JPH1: variants seen among roughly 807,000 people sequenced by gnomAD.
JPH1 encodes the protein junctophilin-1.
In JPH1, 12 loss-of-function variants were observed where a neutral mutation model predicts 53.6. That is an observed-to-expected ratio of 0.22 (90% CI 0.14 to 0.36). JPH1 has a LOEUF of 0.36. Ranked by LOEUF, JPH1 falls within the 10% of genes least tolerant of loss-of-function variation. JPH1 has a pLI of 1.00. For synonymous variants in JPH1, 375 were observed against 363.8 expected (o/e 1.03, Z -0.35); for missense variants, 808 against 905.5 (o/e 0.89, Z 1.38).
intron 2 of JPH1, among the ~76,000 whole-genome samples, chr8:74,310,664 G>A (rs779582418): frequency 1.2e-4 from 18 of 152,180 alleles, no homozygotes; most frequent in Non-Finnish European, 2.5e-4. Flanking sequence ...GAGAAGCAAA[G>A]CAAAGGTCCA....
intron 2 of JPH1, among the ~76,000 whole-genome samples, chr8:74,287,630 C>T (rs1807205521): frequency 6.6e-6 from 1 of 150,976 alleles, no homozygotes; most frequent in African/African-American, 2.4e-5. Flanking sequence ...CACTAAATTG[C>T]ATTAGTTTGC....
chr8:74,239,301 T>C (rs750573197), intron 4 of JPH1, among the ~76,000 whole-genome samples: 3 of 152,180 alleles, frequency 2.0e-5, no homozygotes, highest in Admixed American at 6.5e-5. Context: ...GGAACTCGAA[T>C]TAAGCTTTAG....
At chr8:74,267,620 C>A (rs1806571521) in intron 2 of JPH1, among the ~76,000 whole-genome samples, 1 of 152,130 alleles carries the variant, frequency 6.6e-6, no homozygotes, top group Non-Finnish European at 1.5e-5. Flanking sequence ...AGAAGCCGGA[C>A]TGAAGGGAGT....
chr8:74,282,661 T>C (rs1807046268), intron 2 of JPH1, among the ~76,000 whole-genome samples: 2 of 152,010 alleles, frequency 1.3e-5, no homozygotes, highest in South Asian at 4.2e-4. Context: ...TGAGGAAAGT[T>C]AGGAGGGAGA....
chr8:74,244,884 T>A lies in JPH1; in HGVS notation c.1550A>T (p.Lys517Met), dbSNP rs755306620. Residue 517 changes from lysine (K) to methionine (M), a missense_variant, in exon 4 of 6, where the codon AAG becomes ATG. Lys to Met is a moderately conservative substitution (Grantham distance 95). Coordinates refer to ENST00000342232, the MANE Select transcript of JPH1 (RefSeq NM_020647.4). ...TAIVNKPLMS[K>M]APTKEAGAVV... Reference sequence around the variant, plus strand: ...CGCTCCTGCCTCCTTCGTGGGAGCCTTTGACATCAAGGGCTTATTGACAAT... The same window carrying A: ...CGCTCCTGCCTCCTTCGTGGGAGCCATTGACATCAAGGGCTTATTGACAAT... 1 of 1,614,048 alleles carries A rather than the reference T, an allele frequency of 6.2e-7. No homozygotes were observed. Among genetic ancestry groups the A allele is most frequent in the Non-Finnish European group, 8.5e-7 (1 of 1,180,028 alleles).
intron 3 of JPH1, among the ~76,000 whole-genome samples, chr8:74,254,170 C>T (rs1806149706): frequency 6.6e-6 from 1 of 152,080 alleles, no homozygotes; most frequent in Non-Finnish European, 1.5e-5. Flanking sequence ...CCGAATCCAG[C>T]AACACATCAA....
At chr8:74,270,006 CCTT>C (rs1806651791) in intron 2 of JPH1, among the ~76,000 whole-genome samples, 4 of 152,186 alleles carry the variant, frequency 2.6e-5, no homozygotes, top group Admixed American at 2.6e-4. Flanking sequence ...TCACTGCTCT[CCTT>C]ACTTCTCTAT....
chr8:74,279,228 A>G (rs1563408776), intron 2 of JPH1, among the ~76,000 whole-genome samples: 1 of 152,216 alleles, frequency 6.6e-6, no homozygotes, highest in Admixed American at 6.5e-5. Context: ...ACTTAGCTCA[A>G]CTTTGTTCAA....
intron 2 of JPH1, among the ~76,000 whole-genome samples, chr8:74,270,323 T>C (rs1311103008): frequency 1.3e-5 from 2 of 152,246 alleles, no homozygotes; most frequent in South Asian, 2.1e-4. Context: ...CAGAACATCA[T>C]CTAGTTCTTC....
intron 1 of JPH1, among the ~76,000 whole-genome samples, chr8:74,319,326 AT>A (rs1178329850): frequency 6.6e-6 from 1 of 152,154 alleles, no homozygotes; most frequent in Non-Finnish European, 1.5e-5. Flanking sequence ...AAAACAATAA[AT>A]TTTGCCTTCT....
intron 2 of JPH1, among the ~76,000 whole-genome samples, chr8:74,307,331 C>G (rs1220725176): frequency 6.6e-6 from 1 of 152,184 alleles, no homozygotes; most frequent in Non-Finnish European, 1.5e-5. Context: ...CTCTCCCATT[C>G]AATTCTCAAA....
At chr8:74,272,240 C>G (rs1404574795) in intron 2 of JPH1, among the ~76,000 whole-genome samples, 1 of 151,942 alleles carries the variant, frequency 6.6e-6, no homozygotes, top group Non-Finnish European at 1.5e-5. Context: ...CCTCAACATA[C>G]TTAATGATCT....
chr8:74,298,644 C>T (rs867638381), intron 2 of JPH1, among the ~76,000 whole-genome samples: 11 of 152,252 alleles, frequency 7.2e-5, no homozygotes, highest in Admixed American at 1.3e-4. Flanking sequence ...GGCACTGCAA[C>T]GCAAAATCCA....
In JPH1 at chr8:74,284,903, C is replaced by A. The variant is rs554452465; in HGVS notation, c.1140-25400G>T. On this transcript the variant is annotated intron_variant, in intron 2 of 5. Coordinates refer to ENST00000342232, the MANE Select transcript of JPH1 (RefSeq NM_020647.4). ...GCAGTGGCGCAATCTCGGCTCACTG[C>A]AACCTCTGCCTCACGGGTTCAAGTG... Among the ~76,000 whole-genome samples the A allele has an allele frequency of 4.6e-5, 7 of 151,764 alleles. No individual in the cohort carries two copies. In the South Asian group the frequency reaches 8.3e-4, roughly 18 times the overall value.
At chr8:74,257,142 G>C (rs1373974671) in intron 3 of JPH1, among the ~76,000 whole-genome samples, 1 of 152,176 alleles carries the variant, frequency 6.6e-6, no homozygotes, top group Non-Finnish European at 1.5e-5. Context: ...AGAAAGTGCT[G>C]GCTGTGTGTC....
chr8:74,316,721 T>C (rs1249407026), intron 1 of JPH1, among the ~76,000 whole-genome samples: 2 of 152,250 alleles, frequency 1.3e-5, no homozygotes, highest in African/African-American at 2.4e-5. Flanking sequence ...TGATAGTCTG[T>C]CATCTAGAGC....
chr8:74,283,619 A>G (rs1181306225), intron 2 of JPH1, among the ~76,000 whole-genome samples: 1 of 152,226 alleles, frequency 6.6e-6, no homozygotes, highest in Non-Finnish European at 1.5e-5. Flanking sequence ...TTGGCTCCAC[A>G]CACTCATTTT....
intron 2 of JPH1, among the ~76,000 whole-genome samples, chr8:74,274,795 G>C (rs1806801491): frequency 2.0e-5 from 3 of 152,114 alleles, no homozygotes; most frequent in African/African-American, 7.2e-5. Flanking sequence ...GTTAACTTTT[G>C]AGGAAATATT....
chr8:74,288,079 T>C (rs1807220891), intron 2 of JPH1, among the ~76,000 whole-genome samples: 1 of 152,168 alleles, frequency 6.6e-6, no homozygotes, highest in African/African-American at 2.4e-5. Context: ...ATCTGCAAGG[T>C]ATACAATTAT....
Sources: gnomAD v4.1 joint callset for allele counts (sites outside exome capture counted in the v4.1 genomes callset) on GRCh38, gnomAD v4.1.1 for gene constraint, MANE v1.5 for transcripts, NCBI Gene and HGNC (gene_info 2026-07-23, HGNC 2026-07-21) for gene names.